Variants in TRPM3 observed in about 807,000 individuals in gnomAD.
TRPM3 encodes the protein long transient receptor potential channel 3.
A neutral mutation model predicts 181.2 loss-of-function variants in TRPM3; 77 were observed. The observed-to-expected ratio is 0.42, with a 90% CI of 0.35 to 0.51. The LOEUF is 0.51. TRPM3 is among the 20% of genes least tolerant of loss of function. The pLI, the probability that TRPM3 is intolerant of heterozygous loss-of-function variation, is 0.01. For synonymous variants in TRPM3, 745 were observed against 796.4 expected, an observed-to-expected ratio of 0.94 and a Z score of 1.09; for missense variants, 1,759 against 2,196.7, an observed-to-expected ratio of 0.80 and a Z score of 3.98.
chr9:71,215,395 A>C (rs2079803374), intron 1 of TRPM3, among the ~76,000 whole-genome samples: 1 of 152,150 alleles, frequency 6.6e-6, no homozygotes, highest in Non-Finnish European at 1.5e-5. Flanking sequence ...AAAGCCTGCA[A>C]AGTTAAGTTA....
chr9:71,442,487 A>G (rs11142833), intron 1 of TRPM3, among the ~76,000 whole-genome samples: 115,415 of 151,922 alleles, frequency 0.76, 45,655 homozygotes, highest in Non-Finnish European at 0.88. Flanking sequence ...GATATGGAGG[A>G]GAAAAAAGAA....
chr9:70,750,570 T>C (rs956405995), intron 8 of TRPM3, among the ~76,000 whole-genome samples: 3 of 152,084 alleles, frequency 2.0e-5, no homozygotes, highest in Non-Finnish European at 4.4e-5. Flanking sequence ...TGAAGAAAAC[T>C]GAGGCTCAGA....
At chr9:70,825,133 C>T (rs988487275) in intron 6 of TRPM3, 1 of 152,108 alleles carries the variant, frequency 6.6e-6, no homozygotes, top group Non-Finnish European at 1.5e-5. Context: ...TGAGGGGGCC[C>T]AGGGATTTGG....
chr9:71,069,346 T>G (rs1042073848), intron 1 of TRPM3, among the ~76,000 whole-genome samples: 1 of 151,852 alleles, frequency 6.6e-6, no homozygotes, highest in African/African-American at 2.4e-5. Context: ...CTGGCTAAAT[T>G]TTTTGCATTT....
chr9:71,134,970 T>C (rs1320206254), intron 1 of TRPM3, among the ~76,000 whole-genome samples: 1 of 152,062 alleles, frequency 6.6e-6, no homozygotes, highest in Admixed American at 6.6e-5. Context: ...GGGCAAGAGG[T>C]AAACAAAGAG....
chr9:70,994,284 T>C (rs932860850), intron 1 of TRPM3, among the ~76,000 whole-genome samples: 2 of 152,054 alleles, frequency 1.3e-5, no homozygotes, highest in African/African-American at 4.8e-5. Flanking sequence ...GCCCAAAATA[T>C]GTTAGCTGTT....
intron 8 of TRPM3, among the ~76,000 whole-genome samples, chr9:70,700,553 C>T (rs140354475): frequency 6.6e-6 from 1 of 152,268 alleles, no homozygotes; most frequent in Non-Finnish European, 1.5e-5. Flanking sequence ...TGTTAAAATG[C>T]TTTTGAACAG....
At chr9:71,254,353 G>A (rs1252361434) in intron 1 of TRPM3, among the ~76,000 whole-genome samples, 2 of 152,168 alleles carry the variant, frequency 1.3e-5, no homozygotes, top group Non-Finnish European at 2.9e-5. Context: ...GGCTGTGTTG[G>A]GAAGATGTTG....
chr9:70,841,549 A>G (rs2094626492), intron 5 of TRPM3, among the ~76,000 whole-genome samples: 1 of 148,406 alleles, frequency 6.7e-6, no homozygotes, highest in African/African-American at 2.5e-5. Context: ...TTGCAGCACA[A>G]TCAACAATGG....
intron 1 of TRPM3, among the ~76,000 whole-genome samples, chr9:70,865,872 A>G (rs2095639800): frequency 6.6e-6 from 1 of 152,048 alleles, no homozygotes; most frequent in South Asian, 2.1e-4. Flanking sequence ...TGTCCACATG[A>G]AAAGAGCACC....
chr9:70,648,711 T>G (rs111469321), intron 9 of TRPM3, among the ~76,000 whole-genome samples: 2 of 152,056 alleles, frequency 1.3e-5, no homozygotes, highest in African/African-American at 4.8e-5. Context: ...GAATCAGATC[T>G]TTGACAAAGT....
intron 1 of TRPM3, among the ~76,000 whole-genome samples, chr9:70,891,609 T>C (rs1425123049): frequency 6.6e-6 from 1 of 152,036 alleles, no homozygotes; most frequent in South Asian, 2.1e-4. Context: ...ATAGCAAAAT[T>C]TGGAAAAACA....
chr9:71,347,300 C>A (rs2091353607), intron 1 of TRPM3, among the ~76,000 whole-genome samples: 1 of 152,096 alleles, frequency 6.6e-6, no homozygotes, highest in African/African-American at 2.4e-5. Flanking sequence ...TCCTTAGAAC[C>A]CTTTCATCAG....
intron 1 of TRPM3, among the ~76,000 whole-genome samples, chr9:71,282,116 A>AAGG (rs1328016495): frequency 0.022 from 3,084 of 142,336 alleles, 52 homozygotes; most frequent in East Asian, 0.034. Flanking sequence ...GAAAGAAAGA[A>AAGG]AAAGAAAGAA....
At chr9:70,769,971 G>T (rs1257446188) in intron 7 of TRPM3, among the ~76,000 whole-genome samples, 1 of 152,148 alleles carries the variant, frequency 6.6e-6, no homozygotes, top group East Asian at 1.9e-4. Flanking sequence ...AAGCCTATTT[G>T]GGAGAATGGG....
intron 1 of TRPM3, among the ~76,000 whole-genome samples, chr9:70,939,806 A>G (rs975817873): frequency 6.6e-6 from 1 of 152,126 alleles, no homozygotes; most frequent in African/African-American, 2.4e-5. Flanking sequence ...ATTCTCATCT[A>G]TTGGTAAAAT....
At chr9:71,287,726 T>C (rs139469142) in intron 1 of TRPM3, among the ~76,000 whole-genome samples, 308 of 151,584 alleles carry the variant, frequency 2.0e-3, no homozygotes, top group African/African-American at 7.1e-3. Flanking sequence ...AGATATTTTG[T>C]TTCTCACAGC....
Position 70,625,162 on chromosome 9 carries a change from A to G in TRPM3, c.1809+29T>C. 1 of 1,613,302 alleles carries G rather than the reference A, an allele frequency of 6.2e-7. No individual in the cohort carries two copies. The highest frequency in any genetic ancestry group is 8.5e-7 in the Non-Finnish European group (1 of 1,179,558). ...TCCCATACACCCTAGTCCTCCCAGG[A>G]AGGGCCCCGAATTTGCAGCCAGCCT... On this transcript the variant is annotated intron_variant, in intron 14 of 25. Transcript: ENST00000677713. The surrounding 1 kb of genome is among the most constrained non-coding windows in gnomAD (Gnocchi z 4.8).
In TRPM3 at chr9:71,295,470, C is replaced by CT. The variant is rs1336254961; in HGVS notation, c.183+151182dup. 9.1e-3 allele frequency among the ~76,000 whole-genome samples: 1,277 copies of CT among 140,168 alleles called. 15 individuals are homozygous for CT. The highest frequency in any genetic ancestry group is 0.026 in the African/African-American group (1,011 of 38,270). 92.0% of individuals were successfully genotyped at this position (140,168 alleles called of 152,430 possible). The stretch of plus-strand genomic sequence containing the variant: ...ATGGTTTGAAATCTATTTTGGCTTC[C>CT]TTTTTTTTTTTTTAACAAAAGTATA... On this transcript the variant is annotated intron_variant, in intron 1 of 24. Coordinates refer to the TRPM3 transcript ENST00000357533.
Sources: allele counts gnomAD v4.1 joint callset (sites outside exome capture counted in the v4.1 genomes callset), GRCh38; gene constraint gnomAD v4.1.1; non-coding constraint Gnocchi (gnomAD v3.1); transcripts MANE v1.5; gene names NCBI Gene and HGNC (gene_info 2026-07-23, HGNC 2026-07-21).